The following MBOAT1 variants were observed in gnomAD, a reference collection of about 807,000 sequenced individuals.
MBOAT1 encodes the protein membrane bound glycerophospholipid O-acyltransferase 1.
A neutral mutation model predicts 64.4 loss-of-function variants in MBOAT1; 67 were observed. The ratio of observed to expected loss-of-function variants is 1.04; its 90% CI spans 0.85 to 1.27. The LOEUF is 1.27. Ranked by LOEUF, MBOAT1 falls within the 50% of genes most tolerant of loss-of-function variation. MBOAT1 has a pLI of 0.00. For synonymous variants in MBOAT1, 229 were observed against 218.9 expected (o/e 1.05, Z -0.41); for missense variants, 563 against 604.6 (o/e 0.93, Z 0.72).
At chr6:20,125,037 G>A (rs1338585886) in intron 7 of MBOAT1, among the ~76,000 whole-genome samples, 2 of 152,148 alleles carry the variant, frequency 1.3e-5, no homozygotes, top group African/African-American at 2.4e-5. Flanking sequence ...GCTCAGGTAC[G>A]AAGGATTCTG....
chr6:20,210,302 C>G (rs1763382130), intron 1 of MBOAT1, among the ~76,000 whole-genome samples: 1 of 152,158 alleles, frequency 6.6e-6, no homozygotes, highest in Non-Finnish European at 1.5e-5. Context: ...GACATCTAAG[C>G]CTTTAAAAAG....
intron 4 of MBOAT1, among the ~76,000 whole-genome samples, chr6:20,142,892 T>A (rs563652820): frequency 3.3e-5 from 5 of 152,140 alleles, no homozygotes; most frequent in Non-Finnish European, 7.4e-5. Context: ...AACTTATGCA[T>A]GAAAAACCAG....
At chr6:20,122,957 GAGTAGCTGAGATTAC>G (rs1760537719) in intron 8 of MBOAT1, among the ~76,000 whole-genome samples, 1 of 151,930 alleles carries the variant, frequency 6.6e-6, no homozygotes, top group African/African-American at 2.4e-5. Flanking sequence ...TCAGCCTTCT[GAGTAGCTGAGATTAC>G]AGTAGCTGGG....
rs191826206 is a variant in MBOAT1, at chr6:20,165,188, A to T, written c.100-12419T>A. Among the ~76,000 whole-genome samples, 35 of 152,326 alleles carry T rather than the reference A, an allele frequency of 2.3e-4. No individual in the cohort carries two copies. The East Asian group carries it at 5.8e-3, about 25-fold the overall frequency. ...GGACTATTAGCAATTATCTGATCCA[A>T]GCCCCTCATTTTGTGGGTAAGGAAA... On this transcript the variant is annotated intron_variant, in intron 1 of 12. Transcript: ENST00000324607.
At chr6:20,207,569 G>A (rs749187366) in intron 1 of MBOAT1, among the ~76,000 whole-genome samples, 1 of 152,042 alleles carries the variant, frequency 6.6e-6, no homozygotes, top group South Asian at 2.1e-4. Context: ...ATTTTAAAGG[G>A]TTAAAAAAAA....
At chr6:20,197,277 A>G (rs547482304) in intron 1 of MBOAT1, among the ~76,000 whole-genome samples, 7 of 152,288 alleles carry the variant, frequency 4.6e-5, no homozygotes, top group African/African-American at 1.4e-4. Flanking sequence ...CCCCAGAATC[A>G]CTAAGCCAAA....
chr6:20,115,160 C>T (rs1467866149), intron 10 of MBOAT1, 128 bp downstream of exon 10: 1 of 733,078 alleles, frequency 1.4e-6, no homozygotes, highest in Non-Finnish European at 2.5e-6. Flanking sequence ...TTACAGGGCA[C>T]AGATGTTAAT....
At chr6:20,147,298 G>A (rs1402836452) in intron 3 of MBOAT1, among the ~76,000 whole-genome samples, 3 of 152,228 alleles carry the variant, frequency 2.0e-5, no homozygotes, top group Admixed American at 6.5e-5. Flanking sequence ...ATCCATGGTG[G>A]GAGAAGTTGG....
chr6:20,108,951 G>C (rs897295040), intron 12 of MBOAT1, among the ~76,000 whole-genome samples: 1 of 152,216 alleles, frequency 6.6e-6, no homozygotes. Context: ...CTTCACAACA[G>C]TGGAGAAATA....
At position 20,104,100 on chromosome 6, in the gene MBOAT1, C is replaced by T. The variant is rs79434274; in HGVS notation, c.1362-1688G>A. Reference sequence around the variant, plus strand: ...TTCAAATTGCCTACAGTATTCAGTACGGTAACATACTGTACCGGTTTGCAG... The same window carrying T: ...TTCAAATTGCCTACAGTATTCAGTATGGTAACATACTGTACCGGTTTGCAG... On this transcript the variant is annotated intron_variant, in intron 12 of 12. Transcript: ENST00000324607. Among the ~76,000 whole-genome samples the T allele has an allele frequency of 6.5e-3, 988 of 152,284 alleles. 4 individuals are homozygous for T. Among genetic ancestry groups the T allele is most frequent in the Middle Eastern group, 0.014 (4 of 294 alleles).
At chr6:20,189,272 G>A (rs759997420) in intron 1 of MBOAT1, among the ~76,000 whole-genome samples, 1 of 152,120 alleles carries the variant, frequency 6.6e-6, no homozygotes, top group Admixed American at 6.5e-5. Flanking sequence ...CTCTTCAGTT[G>A]AATAAAAAAC....
chr6:20,204,244 T>C (rs1176274150), intron 1 of MBOAT1, among the ~76,000 whole-genome samples: 1 of 151,934 alleles, frequency 6.6e-6, no homozygotes, highest in Non-Finnish European at 1.5e-5. Flanking sequence ...GGCCCAGAGA[T>C]GCCGAGGCCC....
chr6:20,111,835 C>CATATATATACATATATATAT, intron 11 of MBOAT1, among the ~76,000 whole-genome samples: 9,569 of 86,674 alleles, frequency 0.11, 1,703 homozygotes, highest in Non-Finnish European at 0.15. Context: ...CATATATATA[C>CATATATATACATATATATAT]ACATATATAT....
chr6:20,168,500 AGAGAGAG>A (rs1375035492), intron 1 of MBOAT1, among the ~76,000 whole-genome samples: 106 of 109,124 alleles, frequency 9.7e-4, no homozygotes, highest in African/African-American at 3.9e-3. Context: ...ACAGAGAGAG[AGAGAGAG>A]GAGAGGAGAG....
intron 1 of MBOAT1, among the ~76,000 whole-genome samples, chr6:20,175,340 C>A (rs1243659553): frequency 6.6e-6 from 1 of 151,950 alleles, no homozygotes; most frequent in African/African-American, 2.4e-5. Flanking sequence ...AACCCTGTAA[C>A]CTCAAAATCC....
At chr6:20,108,068 T>C (rs918894387) in intron 12 of MBOAT1, among the ~76,000 whole-genome samples, 3 of 152,216 alleles carry the variant, frequency 2.0e-5, no homozygotes, top group African/African-American at 7.2e-5. Context: ...GGCTTGGGGA[T>C]ACGCCTCTCT....
chr6:20,164,645 ATT>A (rs397789583), intron 1 of MBOAT1, among the ~76,000 whole-genome samples: 9 of 151,660 alleles, frequency 5.9e-5, no homozygotes, highest in South Asian at 4.2e-4. Context: ...TTTTAAAAAA[ATT>A]TTTTTTAAGT....
In MBOAT1 at chr6:20,179,819, T is replaced by C. The variant is rs565684503; in HGVS notation, c.100-27050A>G. Among the ~76,000 whole-genome samples, 9 of 152,342 alleles carry C rather than the reference T, an allele frequency of 5.9e-5. No individual in the cohort carries two copies. In the South Asian group the frequency reaches 1.9e-3, roughly 32 times the overall value. ...CTTTTTCTCCACAATCTTGCCAGCA[T>C]CTGTTGTTTTTTAACTTTTTAATAA... On this transcript the variant is annotated intron_variant, in intron 1 of 12. Transcript: ENST00000324607.
chr6:20,168,113 A>C (rs1167135182), intron 1 of MBOAT1, among the ~76,000 whole-genome samples: 2 of 152,152 alleles, frequency 1.3e-5, no homozygotes, highest in Non-Finnish European at 2.9e-5. Context: ...TTCTTTCCCA[A>C]ATGAGATTTG....
Sources: gnomAD v4.1 joint callset for allele counts (sites outside exome capture counted in the v4.1 genomes callset) on GRCh38, gnomAD v4.1.1 for gene constraint, MANE v1.5 for transcripts, NCBI Gene and HGNC (gene_info 2026-07-23, HGNC 2026-07-21) for gene names.